The following OR9Q1 variants were observed in gnomAD, a reference collection of about 807,000 sequenced individuals.
The protein encoded by OR9Q1 is olfactory receptor 9Q1.
For synonymous variants in OR9Q1, 153 were observed against 148.6 expected (o/e 1.03, Z -0.22); for missense variants, 374 against 378.8 (o/e 0.99, Z 0.11).
chr11:58,108,044 T>G (rs761382084), intron 2 of OR9Q1, among the ~76,000 whole-genome samples: 1 of 152,056 alleles, frequency 6.6e-6, no homozygotes, highest in Non-Finnish European at 1.5e-5. Context: ...AAAAAGAAAT[T>G]GGAGATTCAG....
intron 1 of OR9Q1, among the ~76,000 whole-genome samples, chr11:58,034,688 A>C (rs1416001983): frequency 6.7e-6 from 1 of 149,484 alleles, no homozygotes; most frequent in East Asian, 2.0e-4. Context: ...AAGAAGGGTG[A>C]AGATAGAGCA....
chr11:58,150,412 A>G, intron 2 of OR9Q1, among the ~76,000 whole-genome samples: 1 of 152,192 alleles, frequency 6.6e-6, no homozygotes, highest in Admixed American at 6.5e-5. Flanking sequence ...ACTGGGCAAT[A>G]TGATGAGACC....
intron 1 of OR9Q1, among the ~76,000 whole-genome samples, chr11:58,030,721 A>G (rs1417404860): frequency 6.6e-6 from 1 of 152,196 alleles, no homozygotes; most frequent in Non-Finnish European, 1.5e-5. Context: ...ATTTCTGCTC[A>G]TAGTATCCTG....
intron 1 of OR9Q1, among the ~76,000 whole-genome samples, chr11:58,030,499 G>GGAAA (rs1853020948): frequency 6.6e-6 from 1 of 152,136 alleles, no homozygotes; most frequent in South Asian, 2.1e-4. Context: ...TGCTTGCTTG[G>GGAAA]GAAATCAAGC....
intron 1 of OR9Q1, among the ~76,000 whole-genome samples, chr11:58,037,620 A>G (rs1853113013): frequency 7.3e-6 from 1 of 137,166 alleles, no homozygotes; most frequent in East Asian, 2.1e-4. Context: ...AAGTGTCAGT[A>G]AAGTTTACCA....
At chr11:58,031,512 C>T in intron 1 of OR9Q1, 2 of 1,614,094 alleles carry the variant, frequency 1.2e-6, no homozygotes, top group Non-Finnish European at 1.7e-6. Context: ...GATGCCTCAC[C>T]CTTGCTAGCC....
chr11:58,176,578 A>G (rs1854608934), intron 2 of OR9Q1, among the ~76,000 whole-genome samples: 1 of 152,196 alleles, frequency 6.6e-6, no homozygotes, highest in South Asian at 2.1e-4. Context: ...AGTGCAACCT[A>G]ATCAGATTTT....
chr11:58,098,853 C>A (rs1387981248), intron 2 of OR9Q1, among the ~76,000 whole-genome samples: 4 of 152,098 alleles, frequency 2.6e-5, no homozygotes, highest in African/African-American at 4.8e-5. Context: ...ATTTAGAATT[C>A]TAAACACTAC....
chr11:58,093,714 C>A (rs1429381982), intron 2 of OR9Q1, among the ~76,000 whole-genome samples: 1 of 125,044 alleles, frequency 8.0e-6, no homozygotes, highest in Non-Finnish European at 1.6e-5. Flanking sequence ...GAGCCAAGAT[C>A]ACACCATTGC....
chr11:58,104,353 T>C (rs565183111), intron 2 of OR9Q1, among the ~76,000 whole-genome samples: 1 of 151,380 alleles, frequency 6.6e-6, no homozygotes, highest in African/African-American at 2.4e-5. Flanking sequence ...ATGGTAGTTT[T>C]TTTTTTTTTT....
At chr11:58,115,277 AATGTT>A (rs1853941956) in intron 2 of OR9Q1, among the ~76,000 whole-genome samples, 1 of 152,158 alleles carries the variant, frequency 6.6e-6, no homozygotes, top group South Asian at 2.1e-4. Flanking sequence ...CAATAACAAA[AATGTT>A]ATTTATTGTG....
chr11:58,031,292 A>C (rs777671182), intron 1 of OR9Q1: 6 of 1,614,072 alleles, frequency 3.7e-6, no homozygotes, highest in Non-Finnish European at 5.1e-6. Context: ...TCTTGGGGCA[A>C]CTGAGTGTTT....
intron 2 of OR9Q1, among the ~76,000 whole-genome samples, chr11:58,066,479 G>T (rs1178119988): frequency 1.3e-5 from 2 of 152,068 alleles, no homozygotes; most frequent in Admixed American, 6.5e-5. Flanking sequence ...GCTTCCATGG[G>T]ACCCCAAAAA....
chr11:58,179,606 G>T lies in OR9Q1; in HGVS notation c.162G>T (p.Gln54His). Residue 54 changes from glutamine to histidine, a missense_variant, in exon 3 of 3, where the codon CAG (glutamine) becomes CAT (histidine). Physicochemically the swap from Gln to His is conservative, Grantham distance 24. Transcript: ENST00000335397. ...TTATTCTGATCCTCATGGATCACCA[G>T]CTCCACGCTCCAATGTATTTCCTTC... ...EMIILILMDH[Q>H]LHAPMYFLLS... is the part of the protein sequence containing the mutation. 2 of 1,613,460 alleles carry T rather than the reference G, an allele frequency of 1.2e-6. No individual in the cohort carries two copies. Among genetic ancestry groups the T allele is most frequent in the Non-Finnish European group, 1.7e-6 (2 of 1,179,574 alleles).
chr11:58,081,012 C>G (rs1853582395), intron 2 of OR9Q1, among the ~76,000 whole-genome samples: 1 of 152,164 alleles, frequency 6.6e-6, no homozygotes, highest in East Asian at 1.9e-4. Flanking sequence ...GTTCCCCGTC[C>G]TGTGTCCATG....
intron 2 of OR9Q1, among the ~76,000 whole-genome samples, chr11:58,157,039 A>T (rs1018106230): frequency 3.9e-5 from 6 of 152,206 alleles, no homozygotes; most frequent in Non-Finnish European, 5.9e-5. Flanking sequence ...CTTAGATCGA[A>T]GACCAAAATC....
At chr11:58,028,138 C>A (rs976885790) in intron 1 of OR9Q1, among the ~76,000 whole-genome samples, 2 of 152,094 alleles carry the variant, frequency 1.3e-5, no homozygotes, top group Non-Finnish European at 2.9e-5. Context: ...GTACCAGGCC[C>A]CAGGGTGGAT....
chr11:58,029,189 C>G (rs1282848445), intron 1 of OR9Q1, among the ~76,000 whole-genome samples: 2 of 152,208 alleles, frequency 1.3e-5, no homozygotes, highest in Admixed American at 1.3e-4. Flanking sequence ...GCCAGCTCAA[C>G]TGGGGGCTGA....
At chr11:58,128,742 G>A (rs548818485) in intron 2 of OR9Q1, among the ~76,000 whole-genome samples, 1 of 151,996 alleles carries the variant, frequency 6.6e-6, no homozygotes, top group Admixed American at 6.6e-5. Context: ...TAGCATAAAG[G>A]CATATGTATG....
Sources: gnomAD v4.1 joint callset for allele counts (sites outside exome capture counted in the v4.1 genomes callset) on GRCh38, gnomAD v4.1.1 for gene constraint, MANE v1.5 for transcripts, NCBI Gene and HGNC (gene_info 2026-07-23, HGNC 2026-07-21) for gene names.